Variants in RFX3 observed in about 807,000 individuals in gnomAD.
RFX3 encodes the protein transcription factor RFX3.
Under a neutral mutation model 98.6 loss-of-function variants are expected in RFX3, and 14 were observed. The observed-to-expected ratio is 0.14, with a 90% CI of 0.09 to 0.22. RFX3 has a LOEUF of 0.22. Ranked by LOEUF, RFX3 falls within the 10% of genes least tolerant of loss-of-function variation. The pLI, the probability that RFX3 is intolerant of heterozygous loss-of-function variation, is 1.00. For synonymous variants in RFX3, 383 were observed against 328.4 expected (o/e 1.17, Z -1.80); for missense variants, 639 against 926.9 (o/e 0.69, Z 4.03).
intron 1 of RFX3, among the ~76,000 whole-genome samples, chr9:3,509,381 A>G (rs1311789226): frequency 2.0e-5 from 3 of 151,944 alleles, no homozygotes; most frequent in African/African-American, 2.4e-5. Flanking sequence ...AAAACAATTA[A>G]AAGCACCTTT....
At chr9:3,265,162 G>C (rs1823455359) in intron 12 of RFX3, among the ~76,000 whole-genome samples, 2 of 152,234 alleles carry the variant, frequency 1.3e-5, no homozygotes, top group African/African-American at 4.8e-5. Flanking sequence ...AGCCAGAGGA[G>C]GCTACTGAGC....
chr9:3,415,097 C>CTT (rs1842863645), intron 1 of RFX3, among the ~76,000 whole-genome samples: 1 of 85,940 alleles, frequency 1.2e-5, no homozygotes, highest in African/African-American at 1.1e-4. Flanking sequence ...TATATATACT[C>CTT]ATATATAAGT....
In RFX3 at chr9:3,260,212, G is replaced by T. The variant is rs747924647; in HGVS notation, c.1605+2723C>A. On this transcript the variant is annotated intron_variant, in intron 13 of 16. Coordinates refer to ENST00000617270, the MANE Select transcript of RFX3 (RefSeq NM_001282116.2). ...GAAGAAAGGAAGAAGGTTTTGGAGG[G>T]CAGATGCCGAATCATATGGGTTTCA... Among the ~76,000 whole-genome samples, 11 of 152,116 alleles carry T rather than the reference G, an allele frequency of 7.2e-5. No individual in the cohort carries two copies. The East Asian group carries it at 2.1e-3, about 29-fold the overall frequency.
chr9:3,428,622 C>T (rs1374008656), intron 1 of RFX3, among the ~76,000 whole-genome samples: 1 of 152,076 alleles, frequency 6.6e-6, no homozygotes. Context: ...CTCAAATGAT[C>T]TGAATTCTCA....
intron 12 of RFX3, among the ~76,000 whole-genome samples, chr9:3,264,831 A>G (rs1182005807): frequency 1.3e-5 from 2 of 152,214 alleles, no homozygotes; most frequent in Non-Finnish European, 2.9e-5. Flanking sequence ...ACTGTGGTGA[A>G]TCATTCAACC....
chr9:3,365,635 T>C (rs78769142), intron 2 of RFX3, among the ~76,000 whole-genome samples: 1 of 152,170 alleles, frequency 6.6e-6, no homozygotes, highest in African/African-American at 2.4e-5. Flanking sequence ...TTAGGAGAAC[T>C]GCATTTTACT....
chr9:3,228,974 C>G (rs144206824), intron 15 of RFX3, 85 bp from the exon 16 acceptor site: 1 of 1,185,894 alleles, frequency 8.4e-7, no homozygotes, highest in African/African-American at 1.5e-5. Flanking sequence ...AAATGCCAAT[C>G]TATGACTCTT....
intron 4 of RFX3, among the ~76,000 whole-genome samples, chr9:3,329,008 T>C (rs1460974371): frequency 2.0e-5 from 3 of 152,184 alleles, no homozygotes; most frequent in African/African-American, 7.2e-5. Context: ...CTCATATGCT[T>C]AGTAGAGGTG....
At chr9:3,499,006 T>A (rs1180620220) in intron 1 of RFX3, among the ~76,000 whole-genome samples, 1 of 152,098 alleles carries the variant, frequency 6.6e-6, no homozygotes, top group Non-Finnish European at 1.5e-5. Flanking sequence ...ACACATCCTA[T>A]TAAAAACAAG....
intron 1 of RFX3, among the ~76,000 whole-genome samples, chr9:3,404,472 A>G (rs995573395): frequency 3.3e-5 from 5 of 152,262 alleles, no homozygotes; most frequent in Admixed American, 2.6e-4. Context: ...GTACTTATCT[A>G]TGGGAACTGG....
chr9:3,479,471 GA>G (rs1309450555), intron 1 of RFX3, among the ~76,000 whole-genome samples: 3 of 151,932 alleles, frequency 2.0e-5, no homozygotes, highest in Non-Finnish European at 4.4e-5. Flanking sequence ...AGAAACTTAT[GA>G]AAAAAATCTG....
intron 4 of RFX3, among the ~76,000 whole-genome samples, chr9:3,304,045 C>T (rs1828990154): frequency 6.6e-6 from 1 of 151,872 alleles, no homozygotes; most frequent in African/African-American, 2.4e-5. Flanking sequence ...AGACTGAGTT[C>T]TTCTACAAGG....
At chr9:3,271,187 C>T (rs1412696038) in intron 9 of RFX3, 69 bp from the exon 10 acceptor site, 2 of 1,347,198 alleles carry the variant, frequency 1.5e-6, no homozygotes, top group African/African-American at 2.9e-5. Context: ...GACAGTCTAA[C>T]ATGACAAGAT....
chr9:3,448,638 C>A (rs1587707997), intron 1 of RFX3, among the ~76,000 whole-genome samples: 2 of 152,292 alleles, frequency 1.3e-5, no homozygotes, highest in South Asian at 2.1e-4. Flanking sequence ...CCCGCCTCAG[C>A]CTCCCAAGTA....
At chr9:3,409,282 G>A (rs139147876) in intron 1 of RFX3, among the ~76,000 whole-genome samples, 1 of 152,174 alleles carries the variant, frequency 6.6e-6, no homozygotes, top group Non-Finnish European at 1.5e-5. Context: ...TAAGTACATT[G>A]TATACTTCCC....
chr9:3,231,899 A>T (rs1262899888), intron 15 of RFX3, among the ~76,000 whole-genome samples: 1 of 152,044 alleles, frequency 6.6e-6, no homozygotes, highest in Non-Finnish European at 1.5e-5. Context: ...CCCCATCTCC[A>T]CTAAAAATAT....
At chr9:3,424,241 G>GA (rs1843740016) in intron 1 of RFX3, among the ~76,000 whole-genome samples, 3 of 144,374 alleles carry the variant, frequency 2.1e-5, no homozygotes, top group South Asian at 2.3e-4. Context: ...ACCTCAATGA[G>GA]AAAAAAATTT....
intron 1 of RFX3, among the ~76,000 whole-genome samples, chr9:3,486,157 T>G (rs1448056567): frequency 8.6e-6 from 1 of 116,646 alleles, no homozygotes; most frequent in Admixed American, 8.3e-5. Context: ...AAAAAAAGAA[T>G]AATACAGATA....
At chr9:3,329,076 T>C (rs748302768) in intron 4 of RFX3, among the ~76,000 whole-genome samples, 2 of 152,170 alleles carry the variant, frequency 1.3e-5, no homozygotes, top group South Asian at 2.1e-4. Context: ...AAATTTTCTA[T>C]GACTATTTCT....
Sources: allele counts gnomAD v4.1 joint callset (sites outside exome capture counted in the v4.1 genomes callset), GRCh38; gene constraint gnomAD v4.1.1; transcripts MANE v1.5; gene names NCBI Gene and HGNC (gene_info 2026-07-23, HGNC 2026-07-21).